Variants in CARMIL1 observed in about 807,000 individuals in gnomAD.
CARMIL1 encodes the protein capping protein regulator and myosin 1 linker 1, also known as F-actin-uncapping protein LRRC16A.
In CARMIL1, 90 loss-of-function variants were observed where a neutral mutation model predicts 177.1. That is an observed-to-expected ratio of 0.51 (90% CI 0.43 to 0.61). The LOEUF is 0.61. Among genes scored for constraint, CARMIL1 ranks in the 20% least tolerant of loss-of-function variants. CARMIL1 has a pLI of 0.00. For synonymous variants in CARMIL1, 577 were observed against 606.2 expected, an observed-to-expected ratio of 0.95 and a Z score of 0.71; for missense variants, 1,380 against 1,667.0, an observed-to-expected ratio of 0.83 and a Z score of 3.00.
At chr6:25,319,126 G>T (rs998862162) in intron 2 of CARMIL1, among the ~76,000 whole-genome samples, 5 of 152,078 alleles carry the variant, frequency 3.3e-5, no homozygotes, top group Admixed American at 1.3e-4. Context: ...TGTTCTTAAA[G>T]GATCCTACTC....
chr6:25,343,316 C>CTTTTTTTTT (rs5875030), intron 2 of CARMIL1, among the ~76,000 whole-genome samples: 2 of 135,442 alleles, frequency 1.5e-5, no homozygotes, highest in Non-Finnish European at 1.6e-5. Flanking sequence ...AGTATTTTTG[C>CTTTTTTTTT]TTTTTTTTTT....
At chr6:25,461,581 C>T (rs1800122748) in intron 8 of CARMIL1, among the ~76,000 whole-genome samples, 1 of 152,186 alleles carries the variant, frequency 6.6e-6, no homozygotes, top group South Asian at 2.1e-4. Context: ...GTTTGAAGGA[C>T]ATCTGTGTTG....
chr6:25,491,660 A>T, intron 13 of CARMIL1, 72 bp from the exon 14 acceptor site: 1 of 970,902 alleles, frequency 1.0e-6, no homozygotes, highest in Non-Finnish European at 1.5e-6. Flanking sequence ...CTTCCTTTTA[A>T]AACATTAACT....
intron 2 of CARMIL1, among the ~76,000 whole-genome samples, chr6:25,398,632 T>C (rs1793625764): frequency 6.6e-6 from 1 of 152,174 alleles, no homozygotes; most frequent in African/African-American, 2.4e-5. Flanking sequence ...GAATAGAAGA[T>C]TTAGATCAGA....
At chr6:25,402,801 G>C (rs1424838797) in intron 2 of CARMIL1, among the ~76,000 whole-genome samples, 1 of 152,126 alleles carries the variant, frequency 6.6e-6, no homozygotes, top group Non-Finnish European at 1.5e-5. Context: ...TATTCTAGGG[G>C]AACAGAGAAA....
intron 2 of CARMIL1, among the ~76,000 whole-genome samples, chr6:25,415,467 A>G (rs1320354684): frequency 9.4e-6 from 1 of 106,928 alleles, no homozygotes; most frequent in African/African-American, 3.6e-5. Flanking sequence ...TCCTCTCCCC[A>G]CCCCCCACCC....
At chr6:25,290,680 G>T (rs1431415008) in intron 2 of CARMIL1, among the ~76,000 whole-genome samples, 1 of 152,108 alleles carries the variant, frequency 6.6e-6, no homozygotes, top group Non-Finnish European at 1.5e-5. Flanking sequence ...TGAGCAAGTA[G>T]GGGAAGTGGC....
At chr6:25,287,904 GT>G (rs1781641054) in intron 2 of CARMIL1, among the ~76,000 whole-genome samples, 1 of 152,156 alleles carries the variant, frequency 6.6e-6, no homozygotes, top group African/African-American at 2.4e-5. Context: ...TTATACACTA[GT>G]TTTATATTTA....
intron 2 of CARMIL1, among the ~76,000 whole-genome samples, chr6:25,413,294 C>T (rs1795082767): frequency 6.6e-6 from 1 of 152,162 alleles, no homozygotes; most frequent in Non-Finnish European, 1.5e-5. Flanking sequence ...GGGTGTAAGA[C>T]CATTTGTTGA....
intron 18 of CARMIL1, 41 bp from the exon 19 acceptor site, chr6:25,510,464 TAC>T: frequency 8.6e-7 from 1 of 1,162,700 alleles, no homozygotes; most frequent in Non-Finnish European, 1.2e-6. Flanking sequence ...AATTAATTTA[TAC>T]ACATGTGTTT....
At chr6:25,477,120 C>CA (rs796882992) in intron 11 of CARMIL1, among the ~76,000 whole-genome samples, 3,551 of 138,526 alleles carry the variant, frequency 0.026, 111 homozygotes, top group African/African-American at 0.075. Context: ...CAAACAACAA[C>CA]AAAAAAAAAA....
intron 2 of CARMIL1, among the ~76,000 whole-genome samples, chr6:25,413,675 G>C (rs1795114078): frequency 6.6e-6 from 1 of 152,314 alleles, no homozygotes; most frequent in Middle Eastern, 3.4e-3. Context: ...TCATTACAGA[G>C]GTTGAAAATG....
At chr6:25,534,522 A>T (rs1026875341) in intron 24 of CARMIL1, among the ~76,000 whole-genome samples, 2 of 152,168 alleles carry the variant, frequency 1.3e-5, no homozygotes, top group African/African-American at 4.8e-5. Flanking sequence ...AGCTAAAAAA[A>T]AAAATAAAAG....
At chr6:25,310,053 C>T (rs989081906) in intron 2 of CARMIL1, among the ~76,000 whole-genome samples, 45 of 152,196 alleles carry the variant, frequency 3.0e-4, no homozygotes, top group African/African-American at 9.2e-4. Context: ...CAGGAGTGAG[C>T]CACCCCGCCG....
At position 25,449,955 on chromosome 6, in the gene CARMIL1, G is replaced by T. The variant is rs548908432; in HGVS notation, c.429G>T (p.Ala143=). The T allele has an allele frequency of 1.9e-6, 3 of 1,611,874 alleles. No individual in the cohort carries two copies. The highest frequency in any genetic ancestry group is 1.7e-5 in the Admixed American group (1 of 59,738). The change falls in exon 6 of 37, where the codon GCG becomes GCT. Residue 143 remains alanine (A), a synonymous_variant. Transcript: ENST00000329474. ...CTGAGCGCCTGGCTAGTCTCCAGGC[G>T]CTGTGGGACAGCCAGACCGTGGCTG... is the stretch of plus-strand genomic sequence containing the variant. ...EPSERLASLQ[A]LWDSQTVAEQ...
At chr6:25,316,569 G>A (rs776343670) in intron 2 of CARMIL1, among the ~76,000 whole-genome samples, 1 of 151,948 alleles carries the variant, frequency 6.6e-6, no homozygotes, top group African/African-American at 2.4e-5. Flanking sequence ...ATGTCACTGC[G>A]CCTGGCTAAT....
At chr6:25,327,862 A>G (rs1305767133) in intron 2 of CARMIL1, among the ~76,000 whole-genome samples, 4 of 152,230 alleles carry the variant, frequency 2.6e-5, no homozygotes, top group Non-Finnish European at 2.9e-5. Flanking sequence ...AAACAGATTT[A>G]TAACTTGCAT....
At chr6:25,588,043 T>A (rs1813921910) in intron 31 of CARMIL1, among the ~76,000 whole-genome samples, 1 of 152,206 alleles carries the variant, frequency 6.6e-6, no homozygotes, top group African/African-American at 2.4e-5. Context: ...AAATACAGTA[T>A]AACAATTATT....
chr6:25,589,277 G>A (rs1814074858), intron 31 of CARMIL1, among the ~76,000 whole-genome samples: 2 of 152,126 alleles, frequency 1.3e-5, no homozygotes, highest in Non-Finnish European at 2.9e-5. Flanking sequence ...TCAGTCTTCT[G>A]GAGTGGCACG....
Sources: gnomAD v4.1 joint callset for allele counts (sites outside exome capture counted in the v4.1 genomes callset) on GRCh38, gnomAD v4.1.1 for gene constraint, MANE v1.5 for transcripts, NCBI Gene and HGNC (gene_info 2026-07-23, HGNC 2026-07-21) for gene names.